Variants in GPM6A observed in about 807,000 individuals in gnomAD.
GPM6A encodes glycoprotein M6A, also known as neuronal membrane glycoprotein M6-a.
In GPM6A, 7 loss-of-function variants were observed where a neutral mutation model predicts 32.1. That is an observed-to-expected ratio of 0.22 (90% CI 0.12 to 0.41). The LOEUF (loss-of-function observed/expected upper bound fraction) is 0.41, where lower values mean the gene tolerates loss of function less well. Among genes scored for constraint, GPM6A ranks in the 10% least tolerant of loss-of-function variants. The pLI is 1.00. For missense variants in GPM6A, 235 were observed against 347.2 expected (o/e 0.68, Z 2.57); for synonymous variants, 130 against 123.4 (o/e 1.05, Z -0.35).
At chr4:175,652,286 AT>A (rs911871746) in intron 3 of GPM6A, among the ~76,000 whole-genome samples, 7 of 152,094 alleles carry the variant, frequency 4.6e-5, no homozygotes, top group African/African-American at 1.2e-4. Context: ...CTCACCACAG[AT>A]TTTTTTTAAA....
At chr4:175,912,918 A>T (rs1025874877) in intron 1 of GPM6A, among the ~76,000 whole-genome samples, 3 of 152,210 alleles carry the variant, frequency 2.0e-5, no homozygotes, top group Non-Finnish European at 2.9e-5. Context: ...CAATAAAATG[A>T]GAGCAAACAC....
chr4:175,779,773 T>A (rs903803796), intron 1 of GPM6A, among the ~76,000 whole-genome samples: 4 of 151,678 alleles, frequency 2.6e-5, no homozygotes, highest in African/African-American at 9.7e-5. Flanking sequence ...GTAGCGTGAT[T>A]GTTAGCTAAA....
intron 1 of GPM6A, among the ~76,000 whole-genome samples, chr4:175,739,243 C>T (rs1319184298): frequency 6.6e-6 from 1 of 152,070 alleles, no homozygotes; most frequent in African/African-American, 2.4e-5. Flanking sequence ...CTCCCAAAAT[C>T]TCATGTTAGG....
At chr4:175,761,831 G>C (rs1332553999) in intron 1 of GPM6A, among the ~76,000 whole-genome samples, 1 of 147,492 alleles carries the variant, frequency 6.8e-6, no homozygotes, top group Non-Finnish European at 1.5e-5. Context: ...TTTCACTCTT[G>C]TTGCCCAGGC....
chr4:175,738,743 A>G (rs569538506), intron 1 of GPM6A, among the ~76,000 whole-genome samples: 1 of 152,350 alleles, frequency 6.6e-6, no homozygotes, highest in East Asian at 1.9e-4. Flanking sequence ...CAATTTCTAA[A>G]GGAACAATGT....
At chr4:175,790,979 G>C (rs879551966) in intron 1 of GPM6A, among the ~76,000 whole-genome samples, 14 of 152,118 alleles carry the variant, frequency 9.2e-5, no homozygotes, top group Admixed American at 5.2e-4. Flanking sequence ...TTAATGGGGA[G>C]TGGTTGTGTG....
At chr4:175,790,741 A>T (rs978260362) in intron 1 of GPM6A, among the ~76,000 whole-genome samples, 1 of 152,244 alleles carries the variant, frequency 6.6e-6, no homozygotes, top group Non-Finnish European at 1.5e-5. Flanking sequence ...TCTTCATTTG[A>T]AAACCAAGAA....
chr4:175,922,155 G>C (rs1253833182), intron 1 of GPM6A, among the ~76,000 whole-genome samples: 5 of 152,216 alleles, frequency 3.3e-5, no homozygotes, highest in Non-Finnish European at 7.3e-5. Flanking sequence ...GGGTTAATGT[G>C]AAGATTGTAA....
intron 1 of GPM6A, among the ~76,000 whole-genome samples, chr4:175,897,848 G>A (rs979299423): frequency 9.2e-5 from 14 of 152,082 alleles, no homozygotes; most frequent in African/African-American, 3.4e-4. Context: ...GAAGAATCAG[G>A]TCCTCTGTAC....
chr4:175,948,646 C>T (rs994739030), intron 1 of GPM6A, among the ~76,000 whole-genome samples: 4 of 152,090 alleles, frequency 2.6e-5, no homozygotes, highest in Non-Finnish European at 5.9e-5. Flanking sequence ...CTCAAAAACA[C>T]AAATATATCA....
chr4:175,879,645 T>C (rs1274610894), intron 1 of GPM6A, among the ~76,000 whole-genome samples: 6 of 152,158 alleles, frequency 3.9e-5, no homozygotes, highest in Non-Finnish European at 7.3e-5. Context: ...TTATTACAAT[T>C]CAAGGTGAGA....
intron 1 of GPM6A, among the ~76,000 whole-genome samples, chr4:175,867,517 C>T (rs1736777830): frequency 6.6e-6 from 1 of 151,950 alleles, no homozygotes; most frequent in Non-Finnish European, 1.5e-5. Flanking sequence ...ATCTTTGCTC[C>T]ATTATATTGC....
At chr4:175,954,562 C>A (rs1027090103) in intron 1 of GPM6A, among the ~76,000 whole-genome samples, 1 of 152,038 alleles carries the variant, frequency 6.6e-6, no homozygotes, top group Admixed American at 6.5e-5. Flanking sequence ...TTTTTCCACC[C>A]GAAGAGTCAA....
At chr4:175,885,193 G>A (rs985594578) in intron 1 of GPM6A, among the ~76,000 whole-genome samples, 3 of 152,204 alleles carry the variant, frequency 2.0e-5, no homozygotes, top group African/African-American at 7.2e-5. Flanking sequence ...ACTACAAAAT[G>A]ATGATCATTA....
At chr4:175,920,710 G>A (rs1012907215) in intron 1 of GPM6A, among the ~76,000 whole-genome samples, 1 of 151,914 alleles carries the variant, frequency 6.6e-6, no homozygotes, top group Non-Finnish European at 1.5e-5. Context: ...CTAGCCAGGT[G>A]CGGTGGTGCG....
chr4:175,992,151 A>T (rs184115259), intron 1 of GPM6A, among the ~76,000 whole-genome samples: 1 of 152,094 alleles, frequency 6.6e-6, no homozygotes, highest in Non-Finnish European at 1.5e-5. Flanking sequence ...ATAAACTTAC[A>T]TGTTAAAATT....
rs1445280298 is a variant in GPM6A at position 175,839,238 on chromosome 4, A to C, written c.-22-26989T>G. 2.0e-5 allele frequency among the ~76,000 whole-genome samples: 3 copies of C among 152,210 alleles called. No homozygotes were observed. In the East Asian group the frequency reaches 5.8e-4, roughly 29 times the overall value. Reference sequence around the variant, plus strand: ...AATAAACTCCTGATGAACCAGAAGAAAACAAATAAATAGAATCAAACAAGT... The same window carrying C: ...AATAAACTCCTGATGAACCAGAAGACAACAAATAAATAGAATCAAACAAGT... On this transcript the variant is annotated intron_variant, in intron 1 of 7. Coordinates refer to the GPM6A transcript ENST00000280187.
intron 1 of GPM6A, among the ~76,000 whole-genome samples, chr4:175,895,237 CTGTT>C (rs764077791): frequency 5.3e-5 from 8 of 152,070 alleles, no homozygotes; most frequent in Non-Finnish European, 1.0e-4. Flanking sequence ...CCATTTTGCT[CTGTT>C]TGGTAAGCTT....
At chr4:175,998,599 G>A (rs1741382429) in intron 1 of GPM6A, among the ~76,000 whole-genome samples, 1 of 152,092 alleles carries the variant, frequency 6.6e-6, no homozygotes, top group Non-Finnish European at 1.5e-5. Context: ...CAAATTTCTA[G>A]ACAAAATCTT....
Sources: allele counts gnomAD v4.1 joint callset (sites outside exome capture counted in the v4.1 genomes callset), GRCh38; gene constraint gnomAD v4.1.1; transcripts MANE v1.5; gene names NCBI Gene and HGNC (gene_info 2026-07-23, HGNC 2026-07-21).